The following EZH1 variants were observed in gnomAD, a reference collection of about 807,000 sequenced individuals.
EZH1 encodes enhancer of zeste 1 polycomb repressive complex 2 subunit, also known as histone-lysine N-methyltransferase EZH1.
EZH1 carries 33 observed loss-of-function variants against 100.5 expected under a neutral mutation model. The observed-to-expected ratio is 0.33, with a 90% CI of 0.25 to 0.44. The LOEUF (loss-of-function observed/expected upper bound fraction) is 0.44. Among genes scored for constraint, EZH1 ranks in the 20% least tolerant of loss-of-function variants. EZH1 has a pLI of 1.00. For missense variants in EZH1, 475 were observed against 928.4 expected (o/e 0.51, Z 6.35); for synonymous variants, 272 against 313.8 (o/e 0.87, Z 1.41).
intron 12 of EZH1, among the ~76,000 whole-genome samples, chr17:42,710,199 C>T (rs1264536876): frequency 6.6e-6 from 1 of 152,310 alleles, no homozygotes. Flanking sequence ...ACCTACTACT[C>T]TTTCTACCAA....
At chr17:42,715,007 T>C (rs1348680893) in intron 10 of EZH1, among the ~76,000 whole-genome samples, 2 of 139,406 alleles carry the variant, frequency 1.4e-5, no homozygotes, top group African/African-American at 5.3e-5. Flanking sequence ...TTTATATAAA[T>C]ATAAAATATA....
intron 4 of EZH1, 134 bp from the exon 5 acceptor site, chr17:42,724,558 G>T: frequency 1.0e-6 from 1 of 1,000,664 alleles, no homozygotes; most frequent in Non-Finnish European, 1.4e-6. Flanking sequence ...GCCAAGACAG[G>T]CAGATCACTT....
In EZH1 at chr17:42,718,737, A is replaced by G; in HGVS notation, c.768-120T>C. ...CCAAGGGAGGATGGGTGTTTTTTATAGGTCTGGTTGATAAGAGAATGGTAG... is the reference window on the plus strand; with the variant it reads ...CCAAGGGAGGATGGGTGTTTTTTATGGGTCTGGTTGATAAGAGAATGGTAG... On this transcript the variant is annotated intron_variant, in intron 8 of 20. Transcript: ENST00000428826. This position sits in a 1 kb window ranked among gnomAD's most constrained non-coding sequence, Gnocchi z 4.2. 2 of 975,418 alleles carry G rather than the reference A, an allele frequency of 2.1e-6. No homozygotes were observed. Among genetic ancestry groups the G allele is most frequent in the Non-Finnish European group, 3.0e-6 (2 of 658,108 alleles). The allele number at this position is 975,418 out of a possible 1,614,324, so 60.4% of individuals were successfully genotyped here. A position where few individuals can be genotyped will look rare whatever the true frequency, so the allele number is the denominator to read the frequency against.
intron 1 of EZH1, among the ~76,000 whole-genome samples, chr17:42,733,738 G>C (rs1462935552): frequency 6.6e-6 from 1 of 150,628 alleles, no homozygotes; most frequent in African/African-American, 2.4e-5. Context: ...TCAAGAGATT[G>C]AGACCAGCCT....
At chr17:42,720,838 A>G (rs1374878131) in intron 6 of EZH1, among the ~76,000 whole-genome samples, 2 of 152,068 alleles carry the variant, frequency 1.3e-5, no homozygotes, top group Non-Finnish European at 2.9e-5. Context: ...GTATTTTAGT[A>G]GAGACTGGGT....
At chr17:42,713,130 T>C (rs1022928194) in intron 11 of EZH1, 79 bp downstream of exon 11, 4 of 1,322,400 alleles carry the variant, frequency 3.0e-6, no homozygotes, top group Non-Finnish European at 4.2e-6. Context: ...GGTAGTAAAG[T>C]TAAGTGTCAG....
intron 1 of EZH1, among the ~76,000 whole-genome samples, chr17:42,741,206 T>C (rs373570597): frequency 6.6e-6 from 1 of 152,234 alleles, no homozygotes; most frequent in East Asian, 1.9e-4. Flanking sequence ...GTGAACAAAA[T>C]AGAAATAGTG....
At chr17:42,703,180 T>G in intron 19 of EZH1, 1 of 510,828 alleles carries the variant, frequency 2.0e-6, no homozygotes, top group Non-Finnish European at 3.5e-6. Context: ...TGTTTTGTTT[T>G]GTTTTGTTTT....
chr17:42,722,483 G>C (rs1227267903), intron 6 of EZH1, among the ~76,000 whole-genome samples: 2 of 151,700 alleles, frequency 1.3e-5, no homozygotes, highest in Non-Finnish European at 2.9e-5. Context: ...GAATTAGCTG[G>C]GCATGGTGGC....
intron 10 of EZH1, 109 bp from the exon 11 acceptor site, chr17:42,713,498 T>A: frequency 9.8e-7 from 1 of 1,021,734 alleles, no homozygotes; most frequent in Non-Finnish European, 1.3e-6. Flanking sequence ...AATAGTGTCT[T>A]TTCTTTTTCT....
At chr17:42,738,125 G>A (rs527577714) in intron 1 of EZH1, among the ~76,000 whole-genome samples, 1 of 148,212 alleles carries the variant, frequency 6.7e-6, no homozygotes, top group South Asian at 2.1e-4. Flanking sequence ...GCAGTGAGCC[G>A]AGACGGTGCC....
intron 11 of EZH1, 115 bp downstream of exon 11, chr17:42,713,094 G>A (rs568370880): frequency 1.4e-6 from 1 of 695,566 alleles, no homozygotes; most frequent in Non-Finnish European, 2.3e-6. Context: ...TACAAAACTT[G>A]TAGAAAGAAT....
intron 12 of EZH1, among the ~76,000 whole-genome samples, chr17:42,710,777 C>T (rs1343050499): frequency 2.1e-5 from 3 of 142,708 alleles, no homozygotes; most frequent in Non-Finnish European, 4.5e-5. Flanking sequence ...ACTACAGGTA[C>T]GTGGCTTTTT....
chr17:42,702,474 G>A lies in EZH1; in HGVS notation c.*58C>T, dbSNP rs552367085. On this transcript the variant is annotated 3_prime_UTR_variant, in exon 21 of 21. Coordinates refer to ENST00000428826, the MANE Select transcript of EZH1 (RefSeq NM_001991.5). ...CAGGAGACTCGAGCAGCAGTGGTGT[G>A]AGCACGAAAGCCAAGACAGTGCCGC... is the stretch of plus-strand genomic sequence containing the variant. The A allele has an allele frequency of 4.2e-6, 6 of 1,411,994 alleles. No homozygotes were observed. Among genetic ancestry groups the A allele is most frequent in the East Asian group, 2.5e-5 (1 of 40,006 alleles). The allele number at this position is 1,411,994 out of a possible 1,614,324, so 87.5% of individuals were successfully genotyped here. A position where few individuals can be genotyped will look rare whatever the true frequency, so the allele number is the denominator to read the frequency against.
chr17:42,713,179 G>T, intron 11 of EZH1, 30 bp downstream of exon 11: 1 of 1,608,796 alleles, frequency 6.2e-7, no homozygotes. Flanking sequence ...TGCATGGAAA[G>T]AAAAAGTCTT....
At chr17:42,739,111 T>C (rs1368850139) in intron 1 of EZH1, among the ~76,000 whole-genome samples, 2 of 152,168 alleles carry the variant, frequency 1.3e-5, no homozygotes, top group Non-Finnish European at 2.9e-5. Context: ...CATAGTGTAA[T>C]TGAAACCTGA....
intron 4 of EZH1, among the ~76,000 whole-genome samples, chr17:42,725,029 T>C (rs2053790030): frequency 6.6e-6 from 1 of 151,594 alleles, no homozygotes; most frequent in African/African-American, 2.4e-5. Context: ...TAGCTGGGCG[T>C]GGTGGCACAT....
At chr17:42,726,616 A>G (rs933789604) in intron 4 of EZH1, among the ~76,000 whole-genome samples, 12 of 151,890 alleles carry the variant, frequency 7.9e-5, no homozygotes, top group Middle Eastern at 3.4e-3. Context: ...GGTTCAAGCA[A>G]TTCTCCTGCC....
At chr17:42,714,335 C>T in intron 10 of EZH1, 1 of 264,118 alleles carries the variant, frequency 3.8e-6, no homozygotes, top group Non-Finnish European at 7.8e-6. Context: ...GGCTTTCCTA[C>T]AATATAGCTT....
Sources: allele counts gnomAD v4.1 joint callset (sites outside exome capture counted in the v4.1 genomes callset), GRCh38; gene constraint gnomAD v4.1.1; non-coding constraint Gnocchi (gnomAD v3.1); transcripts MANE v1.5; gene names NCBI Gene and HGNC (gene_info 2026-07-23, HGNC 2026-07-21).